The following FANCA variants were observed in gnomAD, a reference collection of about 807,000 sequenced individuals.
FANCA encodes the protein FA complementation group A.
Under a neutral mutation model 194.3 loss-of-function variants are expected in FANCA, and 236 were observed. The ratio of observed to expected loss-of-function variants is 1.21; its 90% CI spans 1.09 to 1.35. The LOEUF (loss-of-function observed/expected upper bound fraction) is 1.35. Among genes scored for constraint, FANCA ranks in the 40% most tolerant of loss-of-function variants. The pLI is 0.00. For missense variants in FANCA, 2,628 were observed against 1,813.9 expected (o/e 1.45, Z -8.15); for synonymous variants, 1,014 against 715.8 (o/e 1.42, Z -6.65).
rs1459330448 is a variant in FANCA at position 89,816,555 on chromosome 16, C to G, written c.61G>C (p.Ala21Pro). ...SGQDPGGRRR[A>P]WAELLAGRVK... ...CACCTACCCAGCAGCTCGGCCCAGG[C>G]CCTCCGGCGGCCCCCTGGGTCCTGG... Residue 21 changes from alanine (A) to proline (P), a missense_variant, in exon 1 of 43, where the codon GCC becomes CCC. Coordinates refer to ENST00000389301, the MANE Select transcript of FANCA (RefSeq NM_000135.4). 6.6e-7 allele frequency: 1 copy of G among 1,510,358 alleles called. No individual in the cohort carries two copies. The highest frequency in any genetic ancestry group is 8.8e-7 in the Non-Finnish European group (1 of 1,137,012). The allele number at this position is 1,510,358 out of a possible 1,614,324, so 93.6% of individuals were successfully genotyped here. A position where few individuals can be genotyped will look rare whatever the true frequency, so the allele number is the denominator to read the frequency against.
At chr16:89,786,044 A>T (rs1281214002) in intron 14 of FANCA, among the ~76,000 whole-genome samples, 1 of 136,746 alleles carries the variant, frequency 7.3e-6, no homozygotes, top group African/African-American at 2.8e-5. Flanking sequence ...TGAGAGAGAG[A>T]GTCTCACTCT....
intron 31 of FANCA, 47 bp downstream of exon 31, chr16:89,752,091 G>A (rs376569250): frequency 8.3e-5 from 127 of 1,533,042 alleles, no homozygotes; most frequent in Middle Eastern, 1.7e-4. Context: ...AATAGCACGC[G>A]GCTTAAATGA....
At chr16:89,750,024 T>C in intron 31 of FANCA, 122 bp from the exon 32 acceptor site, 2 of 953,628 alleles carry the variant, frequency 2.1e-6, no homozygotes, top group Non-Finnish European at 3.3e-6. Context: ...AAGGAACAAG[T>C]GGGGCAAGCT....
chr16:89,816,071 G>T, intron 1 of FANCA, 85 bp from the exon 2 acceptor site: 1 of 1,009,952 alleles, frequency 9.9e-7, no homozygotes, highest in Non-Finnish European at 1.6e-6. Context: ...ACGCCGCGGA[G>T]AAACCCACCA....
chr16:89,754,335 G>C (rs916432903), intron 30 of FANCA, among the ~76,000 whole-genome samples: 19 of 152,160 alleles, frequency 1.2e-4, no homozygotes, highest in African/African-American at 4.6e-4. Context: ...AAAGGAAAAA[G>C]TGAAACTATC....
chr16:89,808,275 A>C lies in FANCA; in HGVS notation c.596+19T>G. 6.2e-7 allele frequency: 1 copy of C among 1,611,974 alleles called. No individual in the cohort carries two copies. Among genetic ancestry groups the C allele is most frequent in the Non-Finnish European group, 8.5e-7 (1 of 1,178,008 alleles). ...TAGACTGCAAAAACAGTAACACTGA[A>C]TCATCATTAGCACGCTACCTTTCCA... is the stretch of plus-strand genomic sequence containing the variant. On this transcript the variant is annotated intron_variant, in intron 6 of 42. Coordinates refer to ENST00000389301, the MANE Select transcript of FANCA (RefSeq NM_000135.4).
rs774843944 is a variant in FANCA at position 89,811,019 on chromosome 16, G to C, written c.336C>G (p.Leu112=). 1.9e-5 allele frequency: 30 copies of C among 1,614,068 alleles called. No homozygotes were observed. Among genetic ancestry groups the C allele is most frequent in the Non-Finnish European group, 2.5e-5 (30 of 1,180,036 alleles). ...ASRLGVPVGI[L]SAGMVASSVG... ...CGCTAGAGGCAACCATCCCGGCTGA[G>C]AGAATACCCACGGGAACCCCCAGCC... The change falls in exon 4 of 43, where the codon CTC becomes CTG. Residue 112 remains leucine, a synonymous_variant. Transcript: ENST00000389301.
intron 14 of FANCA, among the ~76,000 whole-genome samples, chr16:89,786,941 T>G (rs901870328): frequency 3.9e-5 from 6 of 152,198 alleles, no homozygotes; most frequent in Non-Finnish European, 5.9e-5. Context: ...CAACTGCTCC[T>G]GTCTCTTGGC....
At position 89,739,884 on chromosome 16, in the gene FANCA, A is replaced by G. The variant is rs752564524; in HGVS notation, c.3934+110T>C. 3.2e-6 allele frequency: 5 copies of G among 1,562,804 alleles called. No homozygotes were observed. The Middle Eastern group carries it at 6.9e-4, about 216-fold the overall frequency. The stretch of plus-strand genomic sequence containing the variant: ...ATCTGTCCCAACTAAAATGGAGCTT[A>G]TAAACTTACTTAGCAAGGAACCTCA... On this transcript the variant is annotated intron_variant, in intron 39 of 42. Coordinates refer to ENST00000389301, the MANE Select transcript of FANCA (RefSeq NM_000135.4).
intron 29 of FANCA, among the ~76,000 whole-genome samples, chr16:89,761,278 G>A (rs949831828): frequency 6.6e-6 from 1 of 152,054 alleles, no homozygotes; most frequent in Non-Finnish European, 1.5e-5. Context: ...AATTAGCTGG[G>A]TATGGTGGCG....
chr16:89,786,128 C>T lies in FANCA; in HGVS notation c.1360-1164G>A, dbSNP rs906095609. On this transcript the variant is annotated intron_variant, in intron 14 of 42. Coordinates refer to ENST00000389301, the MANE Select transcript of FANCA (RefSeq NM_000135.4). ...CTGCCTCCCGGGTTCAAGTGATTCT[C>T]CCACCTCTGCCTCCCAAGTAGCTGG... Among the ~76,000 whole-genome samples, 3 of 150,296 alleles carry T rather than the reference C, an allele frequency of 2.0e-5. No homozygotes were observed. In the Admixed American group the frequency reaches 2.0e-4, roughly 10 times the overall value.
chr16:89,790,896 C>T, intron 14 of FANCA: 1 of 183,064 alleles, frequency 5.5e-6, no homozygotes, highest in Non-Finnish European at 1.2e-5. Flanking sequence ...GTGGTGCAAT[C>T]ACAGCTCACT....
At chr16:89,746,713 G>A in intron 34 of FANCA, 25 bp from the exon 35 acceptor site, 3 of 1,611,308 alleles carry the variant, frequency 1.9e-6, no homozygotes, top group East Asian at 2.2e-5. Flanking sequence ...GCAGCAGGAG[G>A]TCAGCGGTTT....
chr16:89,774,747 A>AAAAAAAAAAAAC (rs2039442052), intron 21 of FANCA, among the ~76,000 whole-genome samples: 1 of 147,396 alleles, frequency 6.8e-6, no homozygotes, highest in Non-Finnish European at 1.5e-5. Context: ...AAAAAAAAAA[A>AAAAAAAAAAAAC]AAAAAAATCT....
chr16:89,804,708 A>G (rs2040572891), intron 7 of FANCA, among the ~76,000 whole-genome samples: 1 of 152,016 alleles, frequency 6.6e-6, no homozygotes, highest in African/African-American at 2.4e-5. Context: ...TTGTGGGGGG[A>G]CATTACAGTC....
chr16:89,786,063 G>A (rs2039887494), intron 14 of FANCA, among the ~76,000 whole-genome samples: 1 of 140,546 alleles, frequency 7.1e-6, no homozygotes, highest in African/African-American at 2.7e-5. Flanking sequence ...CTGTCATCCA[G>A]GCTGGAGTGC....
chr16:89,790,736 T>C (rs1030224947), intron 14 of FANCA, among the ~76,000 whole-genome samples: 1 of 148,458 alleles, frequency 6.7e-6, no homozygotes, highest in Admixed American at 6.7e-5. Context: ...GAAGACTCCA[T>C]CTCAAAAAAA....
At chr16:89,755,500 T>A (rs993446206) in intron 30 of FANCA, among the ~76,000 whole-genome samples, 7 of 152,160 alleles carry the variant, frequency 4.6e-5, no homozygotes, top group African/African-American at 1.7e-4. Flanking sequence ...CCACCGTGGC[T>A]GGCCCAAAAT....
At chr16:89,741,015 C>T in intron 37 of FANCA, 149 bp from the exon 38 acceptor site, 3 of 713,904 alleles carry the variant, frequency 4.2e-6, no homozygotes, top group Admixed American at 2.3e-5. Context: ...CCAATCACTT[C>T]TAGAGAGACA....
Sources: gnomAD v4.1 joint callset for allele counts (sites outside exome capture counted in the v4.1 genomes callset) on GRCh38, gnomAD v4.1.1 for gene constraint, MANE v1.5 for transcripts, NCBI Gene and HGNC (gene_info 2026-07-23, HGNC 2026-07-21) for gene names.